ZP1: variants seen among roughly 807,000 people sequenced by gnomAD.
The protein encoded by ZP1 is zona pellucida glycoprotein 1, also known as zona pellucida sperm-binding protein 1.
ZP1 carries 58 observed loss-of-function variants against 67.4 expected under a neutral mutation model. The ratio of observed to expected loss-of-function variants is 0.86; its 90% CI spans 0.70 to 1.07. ZP1 has a LOEUF of 1.07. Among genes scored for constraint, ZP1 ranks in the 50% least tolerant of loss-of-function variants. The pLI is 0.00. For synonymous variants in ZP1, 333 were observed against 332.7 expected (o/e 1.00, Z -0.01); for missense variants, 759 against 807.3 (o/e 0.94, Z 0.72).
rs1242606223 is a variant in ZP1 at position 60,870,478 on chromosome 11, A to G, written c.826+3A>G. 1.2e-6 allele frequency: 2 copies of G among 1,601,228 alleles called. No individual in the cohort carries two copies. Among genetic ancestry groups the G allele is most frequent in the Admixed American group, 3.4e-5 (2 of 58,670 alleles). On this transcript the variant is annotated splice_donor_region_variant and intron_variant, in intron 4 of 11. Transcript: ENST00000278853. ...TCCCTGTTACTATGGCAACACAGGT[A>G]CAACCTCCCACCCCAGCAAGATCCT...
rs748279828 is a variant in ZP1 at position 60,867,796 on chromosome 11, C to T, written c.196+39C>T. The T allele has an allele frequency of 3.1e-6, 5 of 1,592,582 alleles. No individual in the cohort carries two copies. The Admixed American group carries it at 5.3e-5, about 17-fold the overall frequency. ...GAGTCCTGGCCCCTGCCTCCCTGGCCACGGGCTGCTGCCAGAAGGGAGCTG... is the reference window on the plus strand; with the variant it reads ...GAGTCCTGGCCCCTGCCTCCCTGGCTACGGGCTGCTGCCAGAAGGGAGCTG... On this transcript the variant is annotated intron_variant, in intron 1 of 11. Transcript: ENST00000278853.
chr11:60,874,590 TC>T (rs1855661890), intron 9 of ZP1, among the ~76,000 whole-genome samples: 1 of 152,180 alleles, frequency 6.6e-6, no homozygotes, highest in African/African-American at 2.4e-5. Flanking sequence ...GAGCCAGCCC[TC>T]CCAGGGGCTG....
intron 3 of ZP1, among the ~76,000 whole-genome samples, 184 bp downstream of exon 3, chr11:60,870,084 C>G (rs1021542828): frequency 6.6e-6 from 1 of 152,134 alleles, no homozygotes; most frequent in South Asian, 2.1e-4. Flanking sequence ...TATAGGTGTA[C>G]TAAAGCTAGA....
rs572963235 is a variant in ZP1 at position 60,873,154 on chromosome 11, G to T, written c.1113-8G>T. On this transcript the variant is annotated splice_region_variant and splice_polypyrimidine_tract_variant and intron_variant, in intron 6 of 11. Transcript: ENST00000278853. The stretch of plus-strand genomic sequence containing the variant: ...CTTCTCCCCCACCCTCTTGCACGTG[G>T]ACTTCAGGCTTCATGTGCGCTGTGT... The T allele has an allele frequency of 1.0e-5, 16 of 1,549,822 alleles. No individual in the cohort carries two copies. The highest frequency in any genetic ancestry group is 1.4e-5 in the Non-Finnish European group (16 of 1,148,110).
rs149325402 is a variant in ZP1, at chr11:60,869,762, C to T, written c.544C>T (p.Pro182Ser). The T allele has an allele frequency of 1.9e-6, 3 of 1,614,116 alleles. No homozygotes were observed. Among genetic ancestry groups the T allele is most frequent in the Non-Finnish European group, 2.5e-6 (3 of 1,179,990 alleles). The stretch of plus-strand genomic sequence containing the variant: ...AGGCTCTGGCCATGCCTTTCCCAGC[C>T]CACTGGACCCAGGGCACAGCTCTGT... The part of the protein sequence containing the change: ...SQGSGHAFPS[P>S]LDPGHSSVHP... The change falls in exon 3 of 12, where the codon CCA (proline) becomes TCA (serine). Residue 182 changes from proline (P) to serine (S), a missense_variant. Physicochemically the swap from Pro to Ser is moderately conservative, Grantham distance 74. Transcript: ENST00000278853.
intron 5 of ZP1, 25 bp downstream of exon 5, chr11:60,871,169 G>A (rs761847157): frequency 6.2e-7 from 1 of 1,613,920 alleles, no homozygotes; most frequent in Admixed American, 1.7e-5. Flanking sequence ...CACAGGCTGG[G>A]GCCTGGTCCC....
rs748532601 is a variant in ZP1, at chr11:60,869,730, C to G, written c.512C>G (p.Thr171Ser). The stretch of plus-strand genomic sequence containing the variant: ...TCCTTCCTCCCCACCTCTGGCCATA[C>G]CTCCCAAGGCTCTGGCCATGCCTTT... ...TLSFLPTSGH[T>S]SQGSGHAFPS... The change falls in exon 3 of 12, where the codon ACC becomes AGC. Residue 171 changes from threonine to serine, a missense_variant. By Grantham distance (58) the Thr-to-Ser change is moderately conservative. Transcript: ENST00000278853. 2 of 1,613,882 alleles carry G rather than the reference C, an allele frequency of 1.2e-6. No individual in the cohort carries two copies. Among genetic ancestry groups the G allele is most frequent in the South Asian group, 2.2e-5 (2 of 91,032 alleles).
chr11:60,870,025 G>GA, intron 3 of ZP1, 125 bp downstream of exon 3: 1 of 1,212,528 alleles, frequency 8.2e-7, no homozygotes, highest in Non-Finnish European at 1.1e-6. Flanking sequence ...TTTAGAAAAA[G>GA]ATGATTCTTT....
rs117566381 is a variant in ZP1 at position 60,871,280 on chromosome 11, C to T, written c.1078C>T (p.Pro360Ser). ...LVSGIHIQKG[P>S]QGSITRDSTF... ...GTCTGGCATCCACATCCAAAAGGGGCCACAGGGTTCCATCACGCGGGACAG... is the reference window on the plus strand; with the variant it reads ...GTCTGGCATCCACATCCAAAAGGGGTCACAGGGTTCCATCACGCGGGACAG... Residue 360 changes from proline (P) to serine (S), a missense_variant, in exon 6 of 12, where the codon CCA (proline) becomes TCA (serine). Physicochemically the swap from Pro to Ser is moderately conservative, Grantham distance 74. Transcript: ENST00000278853. The T allele has an allele frequency of 6.2e-7, 1 of 1,613,806 alleles. No homozygotes were observed. Among genetic ancestry groups the T allele is most frequent in the Non-Finnish European group, 8.5e-7 (1 of 1,180,036 alleles).
Position 60,875,501 on chromosome 11 carries a change from G to A in ZP1, c.1775-13G>A, listed in dbSNP as rs757230122. 1.5e-5 allele frequency: 25 copies of A among 1,613,398 alleles called. No homozygotes were observed. The highest frequency in any genetic ancestry group is 4.4e-5 in the South Asian group (4 of 91,004). On this transcript the variant is annotated splice_polypyrimidine_tract_variant and intron_variant, in intron 11 of 11. Coordinates refer to ENST00000278853, the MANE Select transcript of ZP1 (RefSeq NM_207341.4). ...GGCCTCACCCAGCCCTGCCAATCCC[G>A]TCTCTCTGACAGACTCCAATGGGAA...
At chr11:60,871,587 A>C (rs1372572917) in intron 6 of ZP1, among the ~76,000 whole-genome samples, 1 of 152,100 alleles carries the variant, frequency 6.6e-6, no homozygotes, top group African/African-American at 2.4e-5. Context: ...GTCCTGAGAG[A>C]GCTGGAGTCC....
intron 6 of ZP1, among the ~76,000 whole-genome samples, chr11:60,871,589 C>T (rs1326455995): frequency 6.6e-6 from 1 of 152,194 alleles, no homozygotes; most frequent in African/African-American, 2.4e-5. Context: ...CCTGAGAGAG[C>T]TGGAGTCCTG....
chr11:60,869,582 A>G lies in ZP1; in HGVS notation c.364A>G (p.Asn122Asp). 4 of 1,613,522 alleles carry G rather than the reference A, an allele frequency of 2.5e-6. No homozygotes were observed. In the South Asian group the frequency reaches 3.3e-5, roughly 13 times the overall value. The change falls in exon 3 of 12, where the codon AAT becomes GAT. Residue 122 changes from asparagine (N) to aspartate (D), a missense_variant. Asn to Asp is a conservative substitution (Grantham distance 23). Coordinates refer to ENST00000278853, the MANE Select transcript of ZP1 (RefSeq NM_207341.4). ...LRVFMEAVLP[N>D]GRVDVAQDAT... ...GGTGTTCATGGAGGCTGTGCTGCCC[A>G]ATGGTCGTGTGGATGTGGCACAAGA...
Position 60,873,581 on chromosome 11 carries a change from TCCC to T in ZP1, c.1430+21_1430+23del, listed in dbSNP as rs759882388. The T allele has an allele frequency of 1.2e-6, 2 of 1,612,062 alleles. No individual in the cohort carries two copies. The highest frequency in any genetic ancestry group is 1.3e-5 in the African/African-American group (1 of 74,764). On this transcript the variant is annotated intron_variant, in intron 8 of 11. Coordinates refer to ENST00000278853, the MANE Select transcript of ZP1 (RefSeq NM_207341.4). Reference sequence around the variant, plus strand: ...GTCAGACGGGTGAGTGCCCCCACACTCCCCCCACCTGCTCTGCCTCCTGTAAAC... The same window carrying T: ...GTCAGACGGGTGAGTGCCCCCACACTCCCACCTGCTCTGCCTCCTGTAAAC...
chr11:60,869,910 A>G lies in ZP1; in HGVS notation c.682+10A>G. 3.9e-6 allele frequency: 6 copies of G among 1,535,496 alleles called. No individual in the cohort carries two copies. Among genetic ancestry groups the G allele is most frequent in the Non-Finnish European group, 4.4e-6 (5 of 1,138,770 alleles). On this transcript the variant is annotated intron_variant, in intron 3 of 11. Coordinates refer to ENST00000278853, the MANE Select transcript of ZP1 (RefSeq NM_207341.4). ...AAACGAGATTACATAGGTACGCAGG[A>G]CATCTGAGTGTACTTACCCTCTGTC...
chr11:60,874,965 C>CA lies in ZP1; in HGVS notation c.1606dup (p.Thr536AsnfsTer12). 2.5e-6 allele frequency: 4 copies of CA among 1,614,252 alleles called. No individual in the cohort carries two copies. The highest frequency in any genetic ancestry group is 3.4e-6 in the Non-Finnish European group (4 of 1,180,042). Reference sequence around the variant, plus strand: ...TGTTCTGCAGCACCTCTGCCTGCCACACCTCAGGGCTGGAGACTTGCTCCA... The same window carrying CA: ...TGTTCTGCAGCACCTCTGCCTGCCACAACCTCAGGGCTGGAGACTTGCTCCA... On this transcript the variant is annotated frameshift_variant, in exon 10 of 12. Coordinates refer to ENST00000278853, the MANE Select transcript of ZP1 (RefSeq NM_207341.4). LOFTEE classifies it high-confidence loss of function.
rs2134828678 is a variant in ZP1, at chr11:60,870,625, G to GCGGTCA, written c.826+152_826+157dup. Reference sequence around the variant, plus strand: ...ATGGCAGAGGAGACCTTTAGATGGGGCGGTCACATGTCCCAGCTGGCCTTA... The same window carrying GCGGTCA: ...ATGGCAGAGGAGACCTTTAGATGGGGCGGTCACGGTCACATGTCCCAGCTGGCCTTA... On this transcript the variant is annotated intron_variant, in intron 4 of 11. Coordinates refer to ENST00000278853, the MANE Select transcript of ZP1 (RefSeq NM_207341.4). 4 of 1,018,444 alleles carry GCGGTCA rather than the reference G, an allele frequency of 3.9e-6. No individual in the cohort carries two copies. In the South Asian group the frequency reaches 5.3e-5, roughly 13 times the overall value. The allele number at this position is 1,018,444 out of a possible 1,614,324, so 63.1% of individuals were successfully genotyped here.
intron 6 of ZP1, 98 bp downstream of exon 6, chr11:60,871,412 C>A: frequency 1.5e-6 from 2 of 1,320,120 alleles, no homozygotes; most frequent in Non-Finnish European, 2.1e-6. Flanking sequence ...CAGCTCAAAC[C>A]CAGGCTCTGC....
chr11:60,869,126 T>C lies in ZP1; in HGVS notation c.197-19T>C. On this transcript the variant is annotated intron_variant, in intron 1 of 11. Transcript: ENST00000278853. ...TGCACCCTTCAACATCCCTGGCCCCTCCCCTTCCCCCACTGCAGATGAATT... is the reference window on the plus strand; with the variant it reads ...TGCACCCTTCAACATCCCTGGCCCCCCCCCTTCCCCCACTGCAGATGAATT... 1 of 1,613,920 alleles carries C rather than the reference T, an allele frequency of 6.2e-7. No individual in the cohort carries two copies. The highest frequency in any genetic ancestry group is 8.5e-7 in the Non-Finnish European group (1 of 1,179,910).
Sources: allele counts gnomAD v4.1 joint callset (sites outside exome capture counted in the v4.1 genomes callset), GRCh38; gene constraint gnomAD v4.1.1; transcripts MANE v1.5; gene names NCBI Gene and HGNC (gene_info 2026-07-23, HGNC 2026-07-21).